The following C8B variants were observed in gnomAD, a reference collection of about 807,000 sequenced individuals.
C8B encodes the protein complement C8 beta chain, also known as complement component C8 beta chain.
In C8B, 67 loss-of-function variants were observed where a neutral mutation model predicts 64.6. That is an observed-to-expected ratio of 1.04 (90% CI 0.85 to 1.27). C8B has a LOEUF of 1.27. Ranked by LOEUF, C8B falls within the 50% of genes most tolerant of loss-of-function variation. The pLI is 0.00. For missense variants in C8B, 790 were observed against 725.2 expected, an observed-to-expected ratio of 1.09 and a Z score of -1.03; for synonymous variants, 284 against 257.7, an observed-to-expected ratio of 1.10 and a Z score of -0.98.
intron 9 of C8B, among the ~76,000 whole-genome samples, chr1:56,936,385 T>A (rs1278264740): frequency 6.6e-6 from 1 of 152,198 alleles, no homozygotes. Context: ...TTAATTTTTA[T>A]TTTTCATGAC....
chr1:56,933,530 T>C lies in C8B; in HGVS notation c.1399-42A>G, dbSNP rs1414453314. ...GCATTTATTTCAAGAGAAAAACATT[T>C]ATCAAGTAGAAGTGTAAAACAAAAC... On this transcript the variant is annotated intron_variant, in intron 9 of 11. Transcript: ENST00000371237. 3.8e-6 allele frequency: 6 copies of C among 1,573,340 alleles called. No individual in the cohort carries two copies. The Admixed American group carries it at 8.3e-5, about 22-fold the overall frequency.
At chr1:56,962,332 A>G (rs1645190951) in intron 1 of C8B, among the ~76,000 whole-genome samples, 2 of 152,206 alleles carry the variant, frequency 1.3e-5, no homozygotes, top group Non-Finnish European at 2.9e-5. Context: ...ACATCGGATG[A>G]GATGTGTGTG....
chr1:56,964,961 G>C (rs1014639989), intron 1 of C8B, among the ~76,000 whole-genome samples: 9 of 152,178 alleles, frequency 5.9e-5, no homozygotes, highest in African/African-American at 2.2e-4. Context: ...TACTTATTGA[G>C]TGGCCAATAG....
At chr1:56,954,063 A>T (rs998745953) in intron 4 of C8B, among the ~76,000 whole-genome samples, 2 of 152,102 alleles carry the variant, frequency 1.3e-5, no homozygotes, top group Non-Finnish European at 2.9e-5. Context: ...CCTAAAGCAT[A>T]TGAGGGGAAG....
At chr1:56,940,792 G>T in intron 9 of C8B, 57 bp downstream of exon 9, 3 of 1,601,766 alleles carry the variant, frequency 1.9e-6, no homozygotes, top group Non-Finnish European at 2.6e-6. Flanking sequence ...CTCATGGTAG[G>T]TCCTCAGAAG....
In C8B at chr1:56,943,696, C is replaced by G. The variant is rs1644899085; in HGVS notation, c.1234G>C (p.Asp412His). 1.2e-6 allele frequency: 2 copies of G among 1,614,046 alleles called. No homozygotes were observed. The highest frequency in any genetic ancestry group is 1.7e-6 in the Non-Finnish European group (2 of 1,179,964). ...GAAGTCACAAGCCCCTGTCACTCACCTTTTATTTCATTCAGAATACCTCTG... is the reference window on the plus strand; with the variant it reads ...GAAGTCACAAGCCCCTGTCACTCACGTTTTATTTCATTCAGAATACCTCTG... ...KCRGILNEIK[D>H]RNKRDTMVED... The change falls in exon 8 of 12, where the codon GAC becomes CAC. Residue 412 changes from aspartate (D) to histidine (H), a missense_variant and splice_region_variant. Coordinates refer to ENST00000371237, the MANE Select transcript of C8B (RefSeq NM_000066.4).
chr1:56,961,803 G>T (rs575781104), intron 1 of C8B, among the ~76,000 whole-genome samples: 37 of 152,250 alleles, frequency 2.4e-4, no homozygotes, highest in Admixed American at 8.5e-4. Flanking sequence ...ACAGAGACCA[G>T]CAAAAATCAA....
chr1:56,929,229 T>C lies in C8B; in HGVS notation c.*175A>G, dbSNP rs1345260147. 4.4e-6 allele frequency: 3 copies of C among 680,560 alleles called. No homozygotes were observed. Among genetic ancestry groups the C allele is most frequent in the South Asian group, 1.7e-5 (1 of 59,018 alleles). The allele number at this position is 680,560 out of a possible 1,614,324, so 42.2% of individuals were successfully genotyped here. On this transcript the variant is annotated 3_prime_UTR_variant, in exon 12 of 12. Coordinates refer to ENST00000371237, the MANE Select transcript of C8B (RefSeq NM_000066.4). Reference sequence around the variant, plus strand: ...AGATGCTTAAGCCTTTAACTCAGTATTTATTTAAATCAACTTGCATTTTAC... The same window carrying C: ...AGATGCTTAAGCCTTTAACTCAGTACTTATTTAAATCAACTTGCATTTTAC...
chr1:56,954,915 T>C, intron 3 of C8B, 88 bp from the exon 4 acceptor site: 1 of 1,486,836 alleles, frequency 6.7e-7, no homozygotes, highest in East Asian at 2.3e-5. Context: ...GTGCCAGACC[T>C]TTTGTCAGGC....
chr1:56,963,398 A>G (rs1167500815), intron 1 of C8B, among the ~76,000 whole-genome samples: 2 of 152,274 alleles, frequency 1.3e-5, no homozygotes, highest in East Asian at 1.9e-4. Flanking sequence ...CTTTGCAAAC[A>G]GCATCCTTTT....
intron 2 of C8B, 77 bp from the exon 3 acceptor site, chr1:56,956,987 G>C: frequency 1.3e-6 from 2 of 1,547,254 alleles, no homozygotes; most frequent in Non-Finnish European, 1.8e-6. Flanking sequence ...TGTGTAAATG[G>C]GTCTTGAGCC....
intron 8 of C8B, among the ~76,000 whole-genome samples, chr1:56,941,540 A>G (rs984883165): frequency 8.8e-5 from 12 of 136,220 alleles, no homozygotes; most frequent in Non-Finnish European, 1.6e-4. Context: ...ATAGATAGAT[A>G]GATAGATAGA....
At chr1:56,958,187 G>A (rs1415029986) in intron 2 of C8B, among the ~76,000 whole-genome samples, 2 of 152,158 alleles carry the variant, frequency 1.3e-5, no homozygotes, top group Non-Finnish European at 2.9e-5. Flanking sequence ...ATTTTATCCT[G>A]CGGCAATGAG....
At chr1:56,964,642 A>G (rs904820298) in intron 1 of C8B, among the ~76,000 whole-genome samples, 1 of 152,054 alleles carries the variant, frequency 6.6e-6, no homozygotes, top group African/African-American at 2.4e-5. Context: ...AGAGCTGATC[A>G]TTCCCTCCTT....
At chr1:56,953,221 A>G (rs944182361) in intron 4 of C8B, among the ~76,000 whole-genome samples, 4 of 152,154 alleles carry the variant, frequency 2.6e-5, no homozygotes, top group Admixed American at 6.5e-5. Flanking sequence ...TTCTGTTTTT[A>G]TTAAGAGTCT....
intron 6 of C8B, among the ~76,000 whole-genome samples, chr1:56,947,612 C>A (rs1182540663): frequency 6.6e-6 from 1 of 152,104 alleles, no homozygotes; most frequent in Non-Finnish European, 1.5e-5. Context: ...ATAGCATATG[C>A]CATGTTGTAT....
intron 11 of C8B, among the ~76,000 whole-genome samples, chr1:56,930,218 G>A (rs540044983): frequency 6.6e-6 from 1 of 152,314 alleles, no homozygotes; most frequent in South Asian, 2.1e-4. Flanking sequence ...TCTACTGTGA[G>A]CAATGGATGT....
intron 3 of C8B, among the ~76,000 whole-genome samples, chr1:56,956,084 C>A (rs939133974): frequency 6.6e-6 from 1 of 151,798 alleles, no homozygotes; most frequent in Non-Finnish European, 1.5e-5. Context: ...TAATTTTTAC[C>A]GGGTATATCA....
At chr1:56,946,919 G>T (rs1252749635) in intron 6 of C8B, among the ~76,000 whole-genome samples, 3 of 152,048 alleles carry the variant, frequency 2.0e-5, no homozygotes, top group Non-Finnish European at 4.4e-5. Context: ...ATTGCCCTGG[G>T]GCCTCATTTT....
Sources: gnomAD v4.1 joint callset for allele counts (sites outside exome capture counted in the v4.1 genomes callset) on GRCh38, gnomAD v4.1.1 for gene constraint, MANE v1.5 for transcripts, NCBI Gene and HGNC (gene_info 2026-07-23, HGNC 2026-07-21) for gene names.